Variants in MICAL2 observed in about 807,000 individuals in gnomAD.
MICAL2 encodes the protein microtubule associated monooxygenase, calponin and LIM domain containing 2.
Under a neutral mutation model 127.3 loss-of-function variants are expected in MICAL2, and 77 were observed. The ratio of observed to expected loss-of-function variants is 0.60; its 90% CI spans 0.50 to 0.73. MICAL2 has a LOEUF of 0.73. Among genes scored for constraint, MICAL2 ranks in the 30% least tolerant of loss-of-function variants. MICAL2 has a pLI of 0.00. For missense variants in MICAL2, 1,351 were observed against 1,434.4 expected (o/e 0.94, Z 0.94); for synonymous variants, 570 against 551.1 (o/e 1.03, Z -0.48).
At chr11:12,320,836 A>AAG (rs1468458331) in intron 30 of MICAL2, among the ~76,000 whole-genome samples, 1 of 151,970 alleles carries the variant, frequency 6.6e-6, no homozygotes, top group East Asian at 1.9e-4. Context: ...AGGGAGGGAG[A>AAG]AGAGAGAGAG....
chr11:12,286,300 A>T (rs1863826451), intron 2 of MICAL2, among the ~76,000 whole-genome samples: 1 of 152,088 alleles, frequency 6.6e-6, no homozygotes, highest in Admixed American at 6.5e-5. Context: ...CAGAGAGTAG[A>T]ACTTCCTGCA....
chr11:12,350,355 G>A (rs1447553608), intron 33 of MICAL2, among the ~76,000 whole-genome samples: 1 of 152,180 alleles, frequency 6.6e-6, no homozygotes. Flanking sequence ...GAGAATGAAG[G>A]ACTGAGTTCT....
intron 34 of MICAL2, among the ~76,000 whole-genome samples, chr11:12,357,697 G>A (rs376177654): frequency 2.6e-4 from 39 of 152,196 alleles, no homozygotes; most frequent in African/African-American, 9.4e-4. Flanking sequence ...AATTGGCCAG[G>A]CGTGGTGGGA....
rs1554968182 is a variant in MICAL2, at chr11:12,180,350, T to TATATATATA, written c.264+17931_264+17932insATATATATA. Among the ~76,000 whole-genome samples, 12 of 104,140 alleles carry TATATATATA rather than the reference T, an allele frequency of 1.2e-4. No individual in the cohort carries two copies. In the East Asian group the frequency reaches 1.9e-3, roughly 16 times the overall value. The allele number at this position is 104,140 out of a possible 152,430, so 68.3% of individuals were successfully genotyped here. A position where few individuals can be genotyped will look rare whatever the true frequency, so the allele number is the denominator to read the frequency against. On this transcript the variant is annotated intron_variant, in intron 3 of 27. Transcript: ENST00000683283. ...TTATATACATGTATATATGTATATA[T>TATATATATA]TTTTTTTTTGGCAGGAAGGTTTCCC...
intron 3 of MICAL2, chr11:12,196,297 C>T (rs1396271195): frequency 6.6e-6 from 1 of 152,480 alleles, no homozygotes; most frequent in Non-Finnish European, 1.5e-5. Context: ...GGGGGAGAAG[C>T]AGGTTTTTGC....
chr11:12,192,065 C>CA (rs1859242808), intron 3 of MICAL2, among the ~76,000 whole-genome samples: 5 of 151,888 alleles, frequency 3.3e-5, no homozygotes. Flanking sequence ...GCCCGCCACC[C>CA]AAAACCCACC....
At chr11:12,294,189 C>T (rs751876683), downstream of MICAL2, 1 of 1,613,990 alleles carries the variant, frequency 6.2e-7, no homozygotes, top group Non-Finnish European at 8.5e-7. Flanking sequence ...ATGGGGACCC[C>T]TGCGGAACAA....
chr11:12,273,010 C>T (rs763453484), upstream of MICAL2, among the ~76,000 whole-genome samples: 123 of 152,294 alleles, frequency 8.1e-4, 2 homozygotes, highest in Admixed American at 4.5e-3. Flanking sequence ...AAAGTCACAG[C>T]GTAAAGCGCA....
chr11:12,298,665 A>G (rs1031988201), intron 29 of MICAL2, among the ~76,000 whole-genome samples: 13 of 152,266 alleles, frequency 8.5e-5, no homozygotes, highest in African/African-American at 1.9e-4. Context: ...GGAAATAGCC[A>G]TCTAGTTCTA....
Position 12,223,510 on chromosome 11 carries a change from C to G in MICAL2, c.1540+9C>G. The G allele has an allele frequency of 6.2e-7, 1 of 1,612,346 alleles. No individual in the cohort carries two copies. The highest frequency in any genetic ancestry group is 8.5e-7 in the Non-Finnish European group (1 of 1,179,006). ...CAACCTCTCCAGGAAGGGTAAGCGG[C>G]CCTCCTGGGACCCTGGTGGGTGGCT... On this transcript the variant is annotated intron_variant, in intron 12 of 27. Transcript: ENST00000683283.
chr11:12,155,884 C>T (rs1389271608), intron 2 of MICAL2, among the ~76,000 whole-genome samples: 1 of 152,188 alleles, frequency 6.6e-6, no homozygotes, highest in East Asian at 1.9e-4. Flanking sequence ...GACGGGAGGC[C>T]TGGAGGGTGG....
At chr11:12,118,959 C>T (rs1306315232) in intron 1 of MICAL2, among the ~76,000 whole-genome samples, 1 of 152,102 alleles carries the variant, frequency 6.6e-6, no homozygotes, top group Non-Finnish European at 1.5e-5. Context: ...TCTGAAAATC[C>T]TCTAGGTGGG....
Position 12,220,197 on chromosome 11 carries a change from C to G in MICAL2, c.949-4C>G. 2 of 1,614,004 alleles carry G rather than the reference C, an allele frequency of 1.2e-6. No homozygotes were observed. The highest frequency in any genetic ancestry group is 1.7e-6 in the Non-Finnish European group (2 of 1,179,952). On this transcript the variant is annotated splice_polypyrimidine_tract_variant and splice_region_variant and intron_variant, in intron 8 of 27. Transcript: ENST00000683283. The stretch of plus-strand genomic sequence containing the variant: ...TTGCTGCACCATGTTTTCATCTTCC[C>G]CAGGACTACATCGACACAGAGATGC...
chr11:12,304,593 C>G (rs1864086015), intron 29 of MICAL2, among the ~76,000 whole-genome samples: 1 of 151,350 alleles, frequency 6.6e-6, no homozygotes, highest in Non-Finnish European at 1.5e-5. Flanking sequence ...TGAGATCGTG[C>G]CATTGCACTC....
chr11:12,173,225 G>A (rs1483655092), intron 3 of MICAL2, among the ~76,000 whole-genome samples: 1 of 152,194 alleles, frequency 6.6e-6, no homozygotes, highest in Non-Finnish European at 1.5e-5. Context: ...CTTAAGAGAT[G>A]TAAATACAGG....
At chr11:12,194,786 G>A (rs1013766635) in intron 3 of MICAL2, among the ~76,000 whole-genome samples, 1 of 152,042 alleles carries the variant, frequency 6.6e-6, no homozygotes, top group Admixed American at 6.6e-5. Flanking sequence ...AGAGCCCAAG[G>A]GACAAGAATT....
chr11:12,150,672 G>C (rs1388939640), intron 2 of MICAL2, among the ~76,000 whole-genome samples: 1 of 152,100 alleles, frequency 6.6e-6, no homozygotes, highest in African/African-American at 2.4e-5. Context: ...ACTAATTACT[G>C]TACTGGCATC....
downstream of MICAL2, among the ~76,000 whole-genome samples, chr11:12,288,655 G>A (rs904820612): frequency 2.0e-5 from 3 of 152,230 alleles, no homozygotes; most frequent in Admixed American, 6.5e-5. Flanking sequence ...GTCTGGCCCG[G>A]AGGAGGAACC....
At chr11:12,218,873 G>C (rs1856495649) in intron 8 of MICAL2, among the ~76,000 whole-genome samples, 1 of 152,170 alleles carries the variant, frequency 6.6e-6, no homozygotes, top group African/African-American at 2.4e-5. Context: ...GGGTGCCTTG[G>C]CTGGGTCCAG....
Sources: allele counts gnomAD v4.1 joint callset (sites outside exome capture counted in the v4.1 genomes callset), GRCh38; gene constraint gnomAD v4.1.1; transcripts MANE v1.5; gene names NCBI Gene and HGNC (gene_info 2026-07-23, HGNC 2026-07-21).